The following RBPJ variants were observed in gnomAD, a reference collection of about 807,000 sequenced individuals.
The protein encoded by RBPJ is recombining binding protein suppressor of hairless.
A neutral mutation model predicts 67.8 loss-of-function variants in RBPJ; 9 were observed. That is an observed-to-expected ratio of 0.13 (90% confidence interval 0.08 to 0.23). The LOEUF (loss-of-function observed/expected upper bound fraction) is 0.23. Ranked by LOEUF, RBPJ falls within the 10% of genes least tolerant of loss-of-function variation. The pLI, the probability that RBPJ is intolerant of heterozygous loss-of-function variation, is 1.00. For missense variants in RBPJ, 305 were observed against 595.6 expected, an observed-to-expected ratio of 0.51 and a Z score of 5.08; for synonymous variants, 198 against 203.3, an observed-to-expected ratio of 0.97 and a Z score of 0.22.
At chr4:26,133,521 C>A in the RBPJ span, among the ~76,000 whole-genome samples, 1 of 152,178 alleles carries the variant, frequency 6.6e-6, no homozygotes, top group African/African-American at 2.4e-5. Context: ...GGTCCATGGC[C>A]TGTTAGAAAC....
intron 1 of RBPJ, among the ~76,000 whole-genome samples, chr4:26,214,881 AAGAG>A (rs1211181543): frequency 1.7e-5 from 1 of 59,120 alleles, no homozygotes; most frequent in Non-Finnish European, 3.0e-5. Context: ...GAAAAAGAAA[AAGAG>A]AGAGAAAAAA....
intron 1 of RBPJ, among the ~76,000 whole-genome samples, chr4:26,193,442 G>T (rs1434714653): frequency 6.6e-6 from 1 of 151,948 alleles, no homozygotes; most frequent in African/African-American, 2.4e-5. Context: ...TGACTTTGGT[G>T]GTTCTTTTTA....
At chr4:26,403,933 T>C (rs768008967) in intron 2 of RBPJ, among the ~76,000 whole-genome samples, 17 of 152,254 alleles carry the variant, frequency 1.1e-4, no homozygotes, top group Non-Finnish European at 2.2e-4. Flanking sequence ...ATGGTAGTTC[T>C]GTTTTTAGCT....
chr4:26,122,608 T>C, the RBPJ span, among the ~76,000 whole-genome samples: 4 of 152,326 alleles, frequency 2.6e-5, no homozygotes, highest in Middle Eastern at 3.4e-3. Context: ...TGGAGATGAT[T>C]AATGTAAAAC....
intron 1 of RBPJ, among the ~76,000 whole-genome samples, chr4:26,361,766 A>T (rs758957375): frequency 2.0e-5 from 3 of 152,212 alleles, no homozygotes; most frequent in Admixed American, 6.5e-5. Flanking sequence ...AGTAGATTTA[A>T]AATGTGATAC....
At chr4:26,401,390 T>C (rs1289118780) in intron 2 of RBPJ, among the ~76,000 whole-genome samples, 1 of 152,242 alleles carries the variant, frequency 6.6e-6, no homozygotes, top group Non-Finnish European at 1.5e-5. Flanking sequence ...TTACTTAACC[T>C]CTACCCAGTT....
intron 1 of RBPJ, among the ~76,000 whole-genome samples, chr4:26,175,454 G>A (rs1333443141): frequency 6.6e-6 from 1 of 152,200 alleles, no homozygotes; most frequent in Non-Finnish European, 1.5e-5. Flanking sequence ...GAAAGGAGCA[G>A]GAGTACAGAC....
chr4:26,210,740 T>TTTACTTCTTTACTTCTTTAC (rs1718376543), intron 1 of RBPJ, among the ~76,000 whole-genome samples: 1 of 103,384 alleles, frequency 9.7e-6, no homozygotes, highest in Non-Finnish European at 2.0e-5. Context: ...TCTTTACTTC[T>TTTACTTCTTTACTTCTTTAC]TTCCTTCTTT....
chr4:26,314,820 G>A (rs373982092), upstream of RBPJ, among the ~76,000 whole-genome samples: 57 of 152,116 alleles, frequency 3.7e-4, no homozygotes, highest in African/African-American at 1.2e-3. Flanking sequence ...TTCCATAGAT[G>A]TTATATCCAT....
At chr4:26,312,940 T>C (rs1335943988) in intron 1 of RBPJ, among the ~76,000 whole-genome samples, 4 of 152,224 alleles carry the variant, frequency 2.6e-5, no homozygotes, top group Non-Finnish European at 5.9e-5. Flanking sequence ...GTATGACAGA[T>C]GACAGGTTCT....
chr4:26,157,260 C>T, the RBPJ span, among the ~76,000 whole-genome samples: 1 of 152,024 alleles, frequency 6.6e-6, no homozygotes, highest in Non-Finnish European at 1.5e-5. Context: ...AATGAGACCC[C>T]ACCTCTCCAA....
rs1158054696 is a variant in RBPJ, at chr4:26,434,224, T to G, written c.*3217T>G. On this transcript the variant is annotated 3_prime_UTR_variant, in exon 11 of 11. Coordinates refer to ENST00000355476, the MANE Select transcript of RBPJ (RefSeq NM_015874.6). ...ATCGTGAAATGTTTGTCACTCTTACTGCACAGACTTATCTGCAATCATAAC... is the reference window on the plus strand; with the variant it reads ...ATCGTGAAATGTTTGTCACTCTTACGGCACAGACTTATCTGCAATCATAAC... The G allele has an allele frequency of 1.3e-5, 2 of 152,254 alleles. No homozygotes were observed. The highest frequency in any genetic ancestry group is 1.5e-5 in the Non-Finnish European group (1 of 68,024). 9.4% of individuals were successfully genotyped at this position (152,254 alleles called of 1,614,324 possible).
At position 26,185,191 on chromosome 4, in the gene RBPJ, A is replaced by AT. The variant is rs34997614; in HGVS notation, c.-167+21589dup. Among the ~76,000 whole-genome samples, 23 of 146,160 alleles carry AT rather than the reference A, an allele frequency of 1.6e-4. No individual in the cohort carries two copies. The South Asian group carries it at 1.9e-3, about 12-fold the overall frequency. ...TTATGTTGTTTTGCATCAAGGAGGG[A>AT]TTTTTTTTTTTTCCAAGAAGGGCTT... On this transcript the variant is annotated intron_variant, in intron 1 of 4. Coordinates refer to the RBPJ transcript ENST00000512351.
At chr4:26,287,315 G>A (rs1305405640) in intron 1 of RBPJ, among the ~76,000 whole-genome samples, 1 of 151,848 alleles carries the variant, frequency 6.6e-6, no homozygotes, top group Non-Finnish European at 1.5e-5. Flanking sequence ...CAAGGTAAGA[G>A]AATCACTTGA....
chr4:26,406,275 G>A lies in RBPJ; in HGVS notation c.155+5G>A. On this transcript the variant is annotated splice_donor_5th_base_variant and intron_variant, in intron 3 of 10. Transcript: ENST00000355476. Reference sequence around the variant, plus strand: ...GTCATATGGAAATGAAAAAAGGTAAGATTATTTTTCTGGTGGATAGTTAAT... The same window carrying A: ...GTCATATGGAAATGAAAAAAGGTAAAATTATTTTTCTGGTGGATAGTTAAT... The A allele has an allele frequency of 6.3e-7, 1 of 1,575,076 alleles. No individual in the cohort carries two copies. Among genetic ancestry groups the A allele is most frequent in the Non-Finnish European group, 8.7e-7 (1 of 1,146,448 alleles).
At chr4:26,154,962 A>G in the RBPJ span, among the ~76,000 whole-genome samples, 1 of 152,210 alleles carries the variant, frequency 6.6e-6, no homozygotes, top group Non-Finnish European at 1.5e-5. Flanking sequence ...AGAACACATG[A>G]GATTTGGAGG....
rs1229805424 is a variant in RBPJ at position 26,424,044 on chromosome 4, C to CTCCTT, written c.497-297_497-296insCCTTT. On this transcript the variant is annotated intron_variant, in intron 5 of 10. Transcript: ENST00000355476. The surrounding 1 kb of genome is among the most constrained non-coding windows in gnomAD (Gnocchi z 5.3). The stretch of plus-strand genomic sequence containing the variant: ...AGGTCATCATTTAAATTTCTACTGT[C>CTCCTT]TAACATTATTTTAAAAGTAAGTTTT... Among the ~76,000 whole-genome samples the CTCCTT allele has an allele frequency of 2.0e-5, 3 of 152,044 alleles. No homozygotes were observed. Among genetic ancestry groups the CTCCTT allele is most frequent in the Non-Finnish European group, 4.4e-5 (3 of 67,968 alleles).
chr4:26,117,760 AGAAG>A, the RBPJ span, among the ~76,000 whole-genome samples: 21 of 152,226 alleles, frequency 1.4e-4, no homozygotes, highest in Non-Finnish European at 2.9e-4. Context: ...ATTTCTGTGA[AGAAG>A]TAACAAGTCA....
chr4:26,355,245 T>A (rs1269098356), intron 1 of RBPJ, among the ~76,000 whole-genome samples: 2 of 152,170 alleles, frequency 1.3e-5, no homozygotes, highest in African/African-American at 4.8e-5. Flanking sequence ...TATTTTATTT[T>A]TTGTTGCATA....
Sources: allele counts gnomAD v4.1 joint callset (sites outside exome capture counted in the v4.1 genomes callset), GRCh38; gene constraint gnomAD v4.1.1; non-coding constraint Gnocchi (gnomAD v3.1); transcripts MANE v1.5; gene names NCBI Gene and HGNC (gene_info 2026-07-23, HGNC 2026-07-21).